RBFOX1: variants seen among roughly 807,000 people sequenced by gnomAD.
RBFOX1 encodes RNA binding protein fox-1 homolog 1.
Under a neutral mutation model 57.7 loss-of-function variants are expected in RBFOX1, and 8 were observed. The ratio of observed to expected loss-of-function variants is 0.14; its 90% CI spans 0.08 to 0.25. The LOEUF (loss-of-function observed/expected upper bound fraction) is 0.25. Among genes scored for constraint, RBFOX1 ranks in the 10% least tolerant of loss-of-function variants. The pLI is 1.00. For synonymous variants in RBFOX1, 326 were observed against 222.4 expected, an observed-to-expected ratio of 1.47 and a Z score of -4.15; for missense variants, 611 against 548.5, an observed-to-expected ratio of 1.11 and a Z score of -1.14.
At chr16:6,997,270 T>TAA (rs200434502) in intron 3 of RBFOX1, among the ~76,000 whole-genome samples, 1 of 151,800 alleles carries the variant, frequency 6.6e-6, no homozygotes, top group Non-Finnish European at 1.5e-5. Flanking sequence ...CTCCTTCTAG[T>TAA]AAAAAAAAGT....
chr16:6,437,564 G>A (rs2094271267), intron 2 of RBFOX1, among the ~76,000 whole-genome samples: 1 of 152,164 alleles, frequency 6.6e-6, no homozygotes, highest in African/African-American at 2.4e-5. Context: ...TAGATGGTGT[G>A]TGTATTAGTC....
At chr16:6,034,889 G>A (rs887230961) in intron 1 of RBFOX1, among the ~76,000 whole-genome samples, 3 of 152,044 alleles carry the variant, frequency 2.0e-5, no homozygotes, top group Non-Finnish European at 4.4e-5. Flanking sequence ...CAGGGTGGAT[G>A]GTCAGCTCAG....
At chr16:5,283,452 G>A (rs375304742) in intron 1 of RBFOX1, among the ~76,000 whole-genome samples, 1 of 152,136 alleles carries the variant, frequency 6.6e-6, no homozygotes, top group South Asian at 2.1e-4. Flanking sequence ...ACCAGTGAAA[G>A]GAGCCCCTCC....
intron 4 of RBFOX1, among the ~76,000 whole-genome samples, chr16:7,334,076 G>A: frequency 6.6e-6 from 1 of 152,034 alleles, no homozygotes. Flanking sequence ...TGATACCCTA[G>A]CTCATTAATT....
intron 2 of RBFOX1, among the ~76,000 whole-genome samples, chr16:5,486,408 G>A (rs962741825): frequency 1.3e-5 from 2 of 152,176 alleles, no homozygotes; most frequent in Admixed American, 6.5e-5. Context: ...ATGAAGACTT[G>A]CTTTCCCAGC....
At chr16:7,559,587 A>C (rs2089802546) in intron 5 of RBFOX1, among the ~76,000 whole-genome samples, 1 of 152,194 alleles carries the variant, frequency 6.6e-6, no homozygotes, top group Non-Finnish European at 1.5e-5. Flanking sequence ...GATACACGAG[A>C]CACCCAATCC....
intron 5 of RBFOX1, among the ~76,000 whole-genome samples, chr16:7,527,608 T>C (rs1432112969): frequency 6.6e-6 from 1 of 152,160 alleles, no homozygotes; most frequent in Non-Finnish European, 1.5e-5. Flanking sequence ...GACATTTTCA[T>C]TCCCATTCTG....
chr16:6,372,624 A>C (rs1023250029), intron 2 of RBFOX1, among the ~76,000 whole-genome samples: 1 of 147,744 alleles, frequency 6.8e-6, no homozygotes, highest in Admixed American at 6.8e-5. Flanking sequence ...ACTGGGCAGG[A>C]GTTTTGTTGG....
chr16:5,896,780 A>G (rs1370915265), intron 4 of RBFOX1, among the ~76,000 whole-genome samples: 1 of 152,042 alleles, frequency 6.6e-6, no homozygotes, highest in Non-Finnish European at 1.5e-5. Flanking sequence ...GTATCAGCCA[A>G]CACTTTAGTA....
At position 5,774,105 on chromosome 16, in the gene RBFOX1, A is replaced by G. The variant is rs145362534; in HGVS notation, c.319-93198A>G. On this transcript the variant is annotated intron_variant, in intron 3 of 19. Coordinates refer to the RBFOX1 transcript ENST00000641259. ...CTTTATATGTAGTTTCATGGTTTAC[A>G]AAGCCCTTTCACGTGCATCATGAGT... Among the ~76,000 whole-genome samples, 26 of 152,332 alleles carry G rather than the reference A, an allele frequency of 1.7e-4. No individual in the cohort carries two copies. In the East Asian group the frequency reaches 4.4e-3, roughly 26 times the overall value.
intron 1 of RBFOX1, among the ~76,000 whole-genome samples, chr16:5,359,977 C>T (rs1596652302): frequency 1.3e-5 from 2 of 152,146 alleles, no homozygotes; most frequent in Non-Finnish European, 2.9e-5. Flanking sequence ...TGTTCCAGAG[C>T]GAAAACAATC....
intron 5 of RBFOX1, among the ~76,000 whole-genome samples, chr16:7,555,329 G>A (rs1254640386): frequency 1.3e-5 from 2 of 152,134 alleles, no homozygotes; most frequent in African/African-American, 4.8e-5. Flanking sequence ...AACAGAAAAA[G>A]GACATAAGTA....
intron 3 of RBFOX1, among the ~76,000 whole-genome samples, chr16:5,633,500 T>C (rs2048585123): frequency 1.3e-5 from 2 of 152,076 alleles, no homozygotes; most frequent in Non-Finnish European, 2.9e-5. Context: ...ATTCACAAAC[T>C]GTGTATCCGA....
chr16:7,270,230 C>T (rs889428713), intron 4 of RBFOX1, among the ~76,000 whole-genome samples: 11 of 152,202 alleles, frequency 7.2e-5, no homozygotes, highest in African/African-American at 2.4e-4. Flanking sequence ...AGAGGACCTT[C>T]TCAGTTAGGT....
At chr16:7,101,631 G>A (rs2151372979) in intron 4 of RBFOX1, among the ~76,000 whole-genome samples, 1 of 152,244 alleles carries the variant, frequency 6.6e-6, no homozygotes, top group African/African-American at 2.4e-5. Flanking sequence ...TTACTAGCAG[G>A]TTATTCAAAG....
At chr16:5,727,310 A>G (rs1418143219) in intron 3 of RBFOX1, among the ~76,000 whole-genome samples, 1 of 152,284 alleles carries the variant, frequency 6.6e-6, no homozygotes, top group Middle Eastern at 3.4e-3. Flanking sequence ...TAAAACCATG[A>G]TGTGAAGACT....
chr16:6,165,335 T>G (rs1305323863), intron 1 of RBFOX1, among the ~76,000 whole-genome samples: 1 of 152,194 alleles, frequency 6.6e-6, no homozygotes, highest in Non-Finnish European at 1.5e-5. Context: ...GAACTACCCT[T>G]ACCAGTGCCA....
chr16:5,642,160 T>C (rs2048900030), intron 3 of RBFOX1, among the ~76,000 whole-genome samples: 1 of 152,170 alleles, frequency 6.6e-6, no homozygotes, highest in South Asian at 2.1e-4. Flanking sequence ...CATGTGCTCA[T>C]TGAATCAGTC....
chr16:6,551,128 T>G (rs2096982257), intron 2 of RBFOX1, among the ~76,000 whole-genome samples: 2 of 152,168 alleles, frequency 1.3e-5, no homozygotes, highest in South Asian at 4.1e-4. Flanking sequence ...CTCAACTCTC[T>G]GAGATTAACA....
Sources: allele counts gnomAD v4.1 joint callset (sites outside exome capture counted in the v4.1 genomes callset), GRCh38; gene constraint gnomAD v4.1.1; transcripts MANE v1.5; gene names NCBI Gene and HGNC (gene_info 2026-07-23, HGNC 2026-07-21).